The following DLC1 variants were observed in gnomAD, a reference collection of about 807,000 sequenced individuals.
DLC1 encodes DLC1 Rho GTPase activating protein, also known as rho GTPase-activating protein 7.
Under a neutral mutation model 140.3 loss-of-function variants are expected in DLC1, and 54 were observed. The ratio of observed to expected loss-of-function variants is 0.38; its 90% confidence interval spans 0.31 to 0.48. DLC1 has a LOEUF of 0.48. DLC1 is among the 20% of genes least tolerant of loss of function. The pLI, the probability that DLC1 is intolerant of heterozygous loss-of-function variation, is 0.96. For missense variants in DLC1, 2,536 were observed against 1,907.0 expected, an observed-to-expected ratio of 1.33 and a Z score of -6.14; for synonymous variants, 986 against 728.1, an observed-to-expected ratio of 1.35 and a Z score of -5.70.
chr8:13,334,136 C>T (rs1184193906), intron 4 of DLC1, among the ~76,000 whole-genome samples: 4 of 152,106 alleles, frequency 2.6e-5, no homozygotes, highest in South Asian at 2.1e-4. Flanking sequence ...TTACCAGGGA[C>T]GTCAGCTCTC....
chr8:13,449,847 A>G (rs976816708), intron 2 of DLC1, among the ~76,000 whole-genome samples: 1 of 152,110 alleles, frequency 6.6e-6, no homozygotes, highest in Non-Finnish European at 1.5e-5. Flanking sequence ...TCCATTTTGC[A>G]TCTTGGTGGC....
intron 4 of DLC1, among the ~76,000 whole-genome samples, chr8:13,308,155 A>T (rs1335039395): frequency 1.3e-5 from 2 of 152,236 alleles, no homozygotes; most frequent in Non-Finnish European, 2.9e-5. Context: ...AATATTTAAT[A>T]AAAATGATAA....
At chr8:13,408,984 G>A (rs902843774) in intron 2 of DLC1, among the ~76,000 whole-genome samples, 3 of 151,766 alleles carry the variant, frequency 2.0e-5, no homozygotes, top group Non-Finnish European at 4.4e-5. Flanking sequence ...AAGTAAACAT[G>A]TATTCCTTTT....
chr8:13,500,473 T>C (rs757090350), intron 1 of DLC1, among the ~76,000 whole-genome samples: 3 of 152,338 alleles, frequency 2.0e-5, no homozygotes, highest in Non-Finnish European at 4.4e-5. Flanking sequence ...ATACTGAACA[T>C]TTAAAACTCC....
intron 1 of DLC1, among the ~76,000 whole-genome samples, chr8:13,508,772 T>C (rs1416038788): frequency 6.6e-6 from 1 of 152,208 alleles, no homozygotes; most frequent in East Asian, 1.9e-4. Context: ...TGTTTTATTT[T>C]TTTTTAAGTA....
chr8:13,273,906 G>A (rs1831057132), intron 5 of DLC1, among the ~76,000 whole-genome samples: 1 of 152,050 alleles, frequency 6.6e-6, no homozygotes, highest in Non-Finnish European at 1.5e-5. Flanking sequence ...TGAAAGTCAG[G>A]AAGGCAATAA....
intron 1 of DLC1, among the ~76,000 whole-genome samples, chr8:13,513,065 A>G (rs555962872): frequency 1.2e-4 from 18 of 149,842 alleles, no homozygotes; most frequent in Non-Finnish European, 2.1e-4. Context: ...CATAATTATT[A>G]TGGGAGGGCA....
At chr8:13,120,422 A>G (rs1820962515) in intron 5 of DLC1, among the ~76,000 whole-genome samples, 1 of 148,658 alleles carries the variant, frequency 6.7e-6, no homozygotes. Context: ...AACAATGAAC[A>G]AAATCTAAAA....
intron 3 of DLC1, among the ~76,000 whole-genome samples, chr8:13,396,483 AC>A (rs1173196623): frequency 2.6e-5 from 4 of 152,132 alleles, no homozygotes; most frequent in South Asian, 2.1e-4. Context: ...TTGCATTTTT[AC>A]CTTTCACAGA....
rs556628924 is a variant in DLC1 at position 13,327,750 on chromosome 8, C to A, written c.1315-22448G>T. Reference sequence around the variant, plus strand: ...GATATTAGCAGTGAACAAAGGTAGACATTGTCTCTGGCCTTATGAAGCTCA... The same window carrying A: ...GATATTAGCAGTGAACAAAGGTAGAAATTGTCTCTGGCCTTATGAAGCTCA... On this transcript the variant is annotated intron_variant, in intron 4 of 17. Transcript: ENST00000276297. 1.3e-3 allele frequency among the ~76,000 whole-genome samples: 199 copies of A among 152,316 alleles called. 2 individuals are homozygous for A. Among genetic ancestry groups the A allele is most frequent in the African/African-American group, 4.7e-3 (195 of 41,566 alleles).
intron 2 of DLC1, among the ~76,000 whole-genome samples, chr8:13,442,539 G>A (rs2116927577): frequency 1.3e-5 from 2 of 152,270 alleles, no homozygotes; most frequent in Middle Eastern, 6.8e-3. Flanking sequence ...CAAAAAGTGG[G>A]CAAAGGATGT....
At chr8:13,580,256 G>C (rs1484353688) in intron 1 of DLC1, among the ~76,000 whole-genome samples, 6 of 151,964 alleles carry the variant, frequency 3.9e-5, no homozygotes, top group African/African-American at 1.5e-4. Context: ...CCGAGTAGCT[G>C]GGCCTACAGG....
At chr8:13,469,957 G>A (rs143761936) in intron 2 of DLC1, among the ~76,000 whole-genome samples, 1 of 152,018 alleles carries the variant, frequency 6.6e-6, no homozygotes, top group South Asian at 2.1e-4. Flanking sequence ...AGCCAGGCAG[G>A]GCAGCTTATT....
intron 5 of DLC1, among the ~76,000 whole-genome samples, chr8:13,269,509 A>C (rs1011643221): frequency 1.3e-5 from 2 of 151,924 alleles, no homozygotes; most frequent in Admixed American, 1.3e-4. Flanking sequence ...TGAGGACAGC[A>C]GTTTGAGACC....
intron 2 of DLC1, among the ~76,000 whole-genome samples, chr8:13,474,450 C>G (rs1320285270): frequency 6.6e-6 from 1 of 152,128 alleles, no homozygotes; most frequent in African/African-American, 2.4e-5. Context: ...GGGTCAGAAC[C>G]CCCAAGTAGA....
chr8:13,418,523 G>T (rs1050697939), intron 2 of DLC1, among the ~76,000 whole-genome samples: 6 of 152,216 alleles, frequency 3.9e-5, no homozygotes, highest in African/African-American at 1.4e-4. Context: ...TCAGATAGTT[G>T]TAGATAAGCA....
chr8:13,114,165 C>T (rs1479641640), intron 6 of DLC1, among the ~76,000 whole-genome samples: 7 of 152,174 alleles, frequency 4.6e-5, no homozygotes, highest in Admixed American at 1.3e-4. Context: ...AGTTCACGAC[C>T]AGCTTGGCCA....
At chr8:13,470,698 G>C (rs1413221492) in intron 2 of DLC1, among the ~76,000 whole-genome samples, 1 of 152,122 alleles carries the variant, frequency 6.6e-6, no homozygotes, top group East Asian at 1.9e-4. Flanking sequence ...TAGCCATATA[G>C]CCATATGGAA....
chr8:13,152,824 G>GAGAAAAAAAAA lies in DLC1; in HGVS notation c.1349-37168_1349-37167insTTTTTTTTTCT, dbSNP rs1554451776. On this transcript the variant is annotated intron_variant, in intron 5 of 17. Transcript: ENST00000276297. The stretch of plus-strand genomic sequence containing the variant: ...AGACTGAGACCCTGTCTCTGGGGAA[G>GAGAAAAAAAAA]AAAAAAAAAAAAAAAGCAACCAACC... Among the ~76,000 whole-genome samples the GAGAAAAAAAAA allele has an allele frequency of 5.0e-3, 456 of 91,350 alleles. 9 individuals carry two copies. Among genetic ancestry groups the GAGAAAAAAAAA allele is most frequent in the African/African-American group, 0.018 (421 of 23,662 alleles). 59.9% of individuals were successfully genotyped at this position (91,350 alleles called of 152,430 possible).
Sources: gnomAD v4.1 joint callset for allele counts (sites outside exome capture counted in the v4.1 genomes callset) on GRCh38, gnomAD v4.1.1 for gene constraint, MANE v1.5 for transcripts, NCBI Gene and HGNC (gene_info 2026-07-23, HGNC 2026-07-21) for gene names.